Variants in RAB28 observed in about 807,000 individuals in gnomAD.
The protein encoded by RAB28 is ras-related protein Rab-28.
A neutral mutation model predicts 31.7 loss-of-function variants in RAB28; 24 were observed. The observed-to-expected ratio is 0.76, with a 90% confidence interval of 0.55 to 1.06. RAB28 has a LOEUF of 1.06. Among genes scored for constraint, RAB28 ranks in the 50% least tolerant of loss-of-function variants. The pLI is 0.00. For missense variants in RAB28, 254 were observed against 258.5 expected (o/e 0.98, Z 0.12); for synonymous variants, 100 against 90.4 (o/e 1.11, Z -0.60).
At chr4:13,425,251 GT>G (rs1009134232) in intron 4 of RAB28, among the ~76,000 whole-genome samples, 1 of 152,050 alleles carries the variant, frequency 6.6e-6, no homozygotes, top group African/African-American at 2.4e-5. Context: ...ATTTTTTGAT[GT>G]TTTAGAAGTG....
At chr4:13,397,875 T>C (rs1175176563) in intron 4 of RAB28, among the ~76,000 whole-genome samples, 2 of 152,142 alleles carry the variant, frequency 1.3e-5, no homozygotes, top group Non-Finnish European at 2.9e-5. Flanking sequence ...ATTGTGTTTA[T>C]AGTGTACAAT....
At chr4:13,452,180 C>G (rs1715005239) in intron 4 of RAB28, among the ~76,000 whole-genome samples, 1 of 151,732 alleles carries the variant, frequency 6.6e-6, no homozygotes, top group African/African-American at 2.4e-5. Context: ...TCCCTTTTAT[C>G]TTAGTGTATC....
chr4:13,401,226 C>T (rs556952849), intron 4 of RAB28, among the ~76,000 whole-genome samples: 54 of 152,184 alleles, frequency 3.5e-4, no homozygotes, highest in African/African-American at 1.3e-3. Context: ...GGAAACATTC[C>T]AAATTATGAA....
At chr4:13,371,779 C>A in intron 6 of RAB28, 1 of 1,546,176 alleles carries the variant, frequency 6.5e-7, no homozygotes, top group Non-Finnish European at 8.8e-7. Context: ...GAAAATGTTA[C>A]CTATAAAATA....
intron 4 of RAB28, among the ~76,000 whole-genome samples, chr4:13,420,079 C>T (rs1450530035): frequency 6.6e-6 from 1 of 152,088 alleles, no homozygotes; most frequent in Non-Finnish European, 1.5e-5. Flanking sequence ...GGGGATATCA[C>T]CACAGATCCC....
rs1256819554 is a variant in RAB28 at position 13,484,332 on chromosome 4, G to A, written c.-182C>T. The A allele has an allele frequency of 1.6e-5, 9 of 568,036 alleles. No homozygotes were observed. The highest frequency in any genetic ancestry group is 3.1e-5 in the East Asian group (1 of 32,430). 35.2% of individuals were successfully genotyped at this position (568,036 alleles called of 1,614,324 possible). A position where few individuals can be genotyped will look rare whatever the true frequency, so the allele number is the denominator to read the frequency against. On this transcript the variant is annotated 5_prime_UTR_variant, in exon 1 of 7. Coordinates refer to ENST00000330852, the MANE Select transcript of RAB28 (RefSeq NM_001017979.3). ...CAAGCGCCATCTTGCCCACCTCCCC[G>A]CCCTCTGCGCGCGGCCCCGCCCCCT...
chr4:13,482,612 T>C (rs541908726), intron 1 of RAB28, among the ~76,000 whole-genome samples: 26 of 152,188 alleles, frequency 1.7e-4, no homozygotes, highest in Non-Finnish European at 2.5e-4. Context: ...GATTTATTTA[T>C]AGCAATTCAT....
chr4:13,377,150 T>C (rs374558373), intron 5 of RAB28, among the ~76,000 whole-genome samples: 2 of 152,180 alleles, frequency 1.3e-5, no homozygotes, highest in Non-Finnish European at 2.9e-5. Flanking sequence ...CTGTTTACTA[T>C]ATTTTATCAG....
At chr4:13,430,108 T>A (rs1713729139) in intron 4 of RAB28, among the ~76,000 whole-genome samples, 1 of 152,020 alleles carries the variant, frequency 6.6e-6, no homozygotes, top group Non-Finnish European at 1.5e-5. Context: ...CCACAAATAA[T>A]GCTAAGAAAA....
In RAB28 at chr4:13,484,327, TC is replaced by T. The variant is rs961946359; in HGVS notation, c.-178del. The T allele has an allele frequency of 1.4e-4, 82 of 570,714 alleles. No homozygotes were observed. The highest frequency in any genetic ancestry group is 9.6e-4 in the Middle Eastern group (2 of 2,076). 35.4% of individuals were successfully genotyped at this position (570,714 alleles called of 1,614,324 possible). A position where few individuals can be genotyped will look rare whatever the true frequency, so the allele number is the denominator to read the frequency against. On this transcript the variant is annotated 5_prime_UTR_variant, in exon 1 of 7. Transcript: ENST00000330852. ...CTCGGCAAGCGCCATCTTGCCCACC[TC>T]CCCGCCCTCTGCGCGCGGCCCCGCC...
intron 4 of RAB28, among the ~76,000 whole-genome samples, chr4:13,427,555 T>C (rs972099510): frequency 6.6e-6 from 1 of 152,162 alleles, no homozygotes; most frequent in African/African-American, 2.4e-5. Context: ...ACACATGGGA[T>C]TGTGCAGCGC....
At chr4:13,409,773 A>G (rs916956366) in intron 4 of RAB28, among the ~76,000 whole-genome samples, 25 of 152,246 alleles carry the variant, frequency 1.6e-4, no homozygotes, top group African/African-American at 6.0e-4. Flanking sequence ...AGAACAATAC[A>G]GATGAAGAAA....
At chr4:13,371,379 T>C (rs1728705977) in intron 6 of RAB28, 3 of 985,304 alleles carry the variant, frequency 3.0e-6, no homozygotes, top group Non-Finnish European at 3.6e-6. Flanking sequence ...TGGGTTACAA[T>C]GAAGAGATGG....
At chr4:13,375,570 T>G (rs957672199) in intron 6 of RAB28, among the ~76,000 whole-genome samples, 2 of 152,150 alleles carry the variant, frequency 1.3e-5, no homozygotes, top group Admixed American at 1.3e-4. Context: ...AAGTAACCAC[T>G]TTTTCTGTGT....
intron 4 of RAB28, among the ~76,000 whole-genome samples, chr4:13,429,612 A>G (rs1292701227): frequency 6.6e-6 from 1 of 152,220 alleles, no homozygotes; most frequent in Non-Finnish European, 1.5e-5. Context: ...AAGTGAAAAA[A>G]CATTGAAAGA....
intron 4 of RAB28, among the ~76,000 whole-genome samples, chr4:13,431,982 A>C (rs1713831714): frequency 6.6e-6 from 1 of 152,132 alleles, no homozygotes; most frequent in Admixed American, 6.5e-5. Flanking sequence ...AAAAATTCAA[A>C]CTATGGATTG....
intron 4 of RAB28, among the ~76,000 whole-genome samples, chr4:13,392,470 A>T (rs1729681984): frequency 6.6e-6 from 1 of 152,208 alleles, no homozygotes; most frequent in South Asian, 2.1e-4. Context: ...CTTTGCATTA[A>T]GGTAAATACA....
intron 4 of RAB28, among the ~76,000 whole-genome samples, chr4:13,423,591 T>C (rs1713301936): frequency 6.6e-6 from 1 of 152,146 alleles, no homozygotes; most frequent in Admixed American, 6.5e-5. Context: ...AACACAGCCA[T>C]ACTCATTCAT....
At chr4:13,399,782 G>A (rs1711640697) in intron 4 of RAB28, among the ~76,000 whole-genome samples, 1 of 151,860 alleles carries the variant, frequency 6.6e-6, no homozygotes, top group South Asian at 2.1e-4. Context: ...ATTTGAAAAA[G>A]TATACCAGTC....
Sources: gnomAD v4.1 joint callset for allele counts (sites outside exome capture counted in the v4.1 genomes callset) on GRCh38, gnomAD v4.1.1 for gene constraint, MANE v1.5 for transcripts, NCBI Gene and HGNC (gene_info 2026-07-23, HGNC 2026-07-21) for gene names.